ABLIM1: variants seen among roughly 807,000 people sequenced by gnomAD.
ABLIM1 encodes actin binding LIM protein 1.
Under a neutral mutation model 107.0 loss-of-function variants are expected in ABLIM1, and 40 were observed. That is an observed-to-expected ratio of 0.37 (90% CI 0.29 to 0.49). The LOEUF is 0.49. Ranked by LOEUF, ABLIM1 falls within the 20% of genes least tolerant of loss-of-function variation. ABLIM1 has a pLI of 0.97. For synonymous variants in ABLIM1, 357 were observed against 357.3 expected, an observed-to-expected ratio of 1.00 and a Z score of 0.01; for missense variants, 857 against 1,008.5, an observed-to-expected ratio of 0.85 and a Z score of 2.04.
the ABLIM1 span, among the ~76,000 whole-genome samples, chr10:114,787,579 T>C: frequency 3.8e-4 from 31 of 82,278 alleles, no homozygotes; most frequent in South Asian, 8.5e-4. Context: ...GGGAGGGAGG[T>C]GGGGGGTCAG....
Position 114,517,693 on chromosome 10 carries a change from T to C in ABLIM1, c.895-25815A>G, listed in dbSNP as rs1055833286. Among the ~76,000 whole-genome samples the C allele has an allele frequency of 2.0e-5, 3 of 152,154 alleles. No homozygotes were observed. In the East Asian group the frequency reaches 5.8e-4, roughly 29 times the overall value. ...CACAGCAGGACAAAAAACTTGGGAT[T>C]TTTAGGATTTCACAGAAATTGCCTC... On this transcript the variant is annotated intron_variant, in intron 6 of 22. Transcript: ENST00000533213.
At chr10:114,637,500 G>A (rs1008224750) in intron 1 of ABLIM1, among the ~76,000 whole-genome samples, 1 of 152,088 alleles carries the variant, frequency 6.6e-6, no homozygotes, top group Non-Finnish European at 1.5e-5. Context: ...TAGAATCAAT[G>A]CCCGGCAAAG....
chr10:114,603,166 G>T (rs1002259862), intron 1 of ABLIM1, among the ~76,000 whole-genome samples: 2 of 152,164 alleles, frequency 1.3e-5, no homozygotes, highest in African/African-American at 4.8e-5. Flanking sequence ...TGAGCAGGGG[G>T]TAGATGTGGG....
intron 15 of ABLIM1, among the ~76,000 whole-genome samples, chr10:114,446,455 A>C (rs938081970): frequency 6.6e-6 from 1 of 152,216 alleles, no homozygotes; most frequent in Non-Finnish European, 1.5e-5. Context: ...AATCTGTCTG[A>C]ATGGTTGAGA....
At chr10:114,717,985 A>AG (rs1196237600) in intron 1 of ABLIM1, among the ~76,000 whole-genome samples, 1 of 117,858 alleles carries the variant, frequency 8.5e-6, no homozygotes, top group African/African-American at 3.4e-5. Flanking sequence ...AGAGAAAGAA[A>AG]GAAAGAAAGG....
the ABLIM1 span, among the ~76,000 whole-genome samples, chr10:114,798,783 A>G: frequency 6.6e-6 from 1 of 151,894 alleles, no homozygotes; most frequent in African/African-American, 2.4e-5. Context: ...AGTACAGTAT[A>G]TATGTATTTT....
intron 1 of ABLIM1, among the ~76,000 whole-genome samples, chr10:114,626,450 C>T (rs918923329): frequency 6.6e-6 from 1 of 152,152 alleles, no homozygotes; most frequent in Non-Finnish European, 1.5e-5. Context: ...TCAGAGTCTG[C>T]CTAAGAGGTA....
intron 1 of ABLIM1, among the ~76,000 whole-genome samples, chr10:114,665,093 G>C (rs899829230): frequency 2.0e-5 from 3 of 146,542 alleles, no homozygotes; most frequent in African/African-American, 7.7e-5. Flanking sequence ...CTCCGGCCTC[G>C]GCGAAAGAGC....
intron 1 of ABLIM1, among the ~76,000 whole-genome samples, chr10:114,692,879 G>A (rs991856385): frequency 6.6e-6 from 1 of 152,178 alleles, no homozygotes; most frequent in African/African-American, 2.4e-5. Context: ...AACAGAGCAA[G>A]ACTCCATCTC....
chr10:114,602,539 G>C (rs572583653), intron 1 of ABLIM1, among the ~76,000 whole-genome samples: 1 of 152,154 alleles, frequency 6.6e-6, no homozygotes, highest in South Asian at 2.1e-4. Flanking sequence ...GGTCATTCCC[G>C]ATCATAAATG....
At chr10:114,461,763 G>A (rs191143918) in intron 12 of ABLIM1, among the ~76,000 whole-genome samples, 11 of 152,178 alleles carry the variant, frequency 7.2e-5, no homozygotes, top group Non-Finnish European at 1.5e-4. Flanking sequence ...AGGTTGCAGT[G>A]AGCCAAGTTT....
intron 1 of ABLIM1, among the ~76,000 whole-genome samples, chr10:114,761,811 C>T (rs1844109286): frequency 6.6e-6 from 1 of 152,128 alleles, no homozygotes; most frequent in South Asian, 2.1e-4. Context: ...TGCCCTTTTC[C>T]TTGGAAAGGC....
In ABLIM1 at chr10:114,747,409, G is replaced by C. The variant is rs808317; in HGVS notation, c.-213+20652C>G. 2.0e-3 allele frequency among the ~76,000 whole-genome samples: 301 copies of C among 152,208 alleles called. 1 individual carries two copies. Among genetic ancestry groups the C allele is most frequent in the Middle Eastern group, 3.4e-3 (1 of 294 alleles). ...ATCTGCTGTGTGTGCCTGTCTCTCCGCTCTGCTCTATGTGTATACGTGCCC... is the reference window on the plus strand; with the variant it reads ...ATCTGCTGTGTGTGCCTGTCTCTCCCCTCTGCTCTATGTGTATACGTGCCC... On this transcript the variant is annotated intron_variant, in intron 1 of 15. Coordinates refer to the ABLIM1 transcript ENST00000651092.
chr10:114,786,667 TATCATCATCAGGC>T, the ABLIM1 span, among the ~76,000 whole-genome samples: 5 of 152,256 alleles, frequency 3.3e-5, no homozygotes, highest in Non-Finnish European at 7.3e-5. Flanking sequence ...ACTGACCATG[TATCATCATCAGGC>T]ATTACATTAA....
At chr10:114,626,742 T>C (rs555038298) in intron 1 of ABLIM1, among the ~76,000 whole-genome samples, 54 of 152,304 alleles carry the variant, frequency 3.5e-4, no homozygotes, top group Non-Finnish European at 4.9e-4. Context: ...TCTCAGAATG[T>C]GGCCCTATTT....
At chr10:114,465,864 T>C in intron 11 of ABLIM1, 37 bp from the exon 12 acceptor site, 1 of 1,610,900 alleles carries the variant, frequency 6.2e-7, no homozygotes, top group Non-Finnish European at 8.5e-7. Flanking sequence ...GCTATCACCA[T>C]GCCTCAGTAG....
intron 1 of ABLIM1, among the ~76,000 whole-genome samples, chr10:114,646,172 A>T (rs2079005868): frequency 6.6e-6 from 1 of 152,092 alleles, no homozygotes. Context: ...TTAGAACTTA[A>T]ATTCTTCTTG....
chr10:114,639,667 A>G (rs774133199), intron 1 of ABLIM1, among the ~76,000 whole-genome samples: 2 of 152,232 alleles, frequency 1.3e-5, no homozygotes, highest in Non-Finnish European at 1.5e-5. Context: ...GGTTCAGAAG[A>G]TGTTCATGCT....
chr10:114,698,390 T>A (rs1004158182), intron 1 of ABLIM1, among the ~76,000 whole-genome samples: 44 of 98,112 alleles, frequency 4.5e-4, no homozygotes, highest in East Asian at 1.1e-3. Flanking sequence ...TAGAGCAAAA[T>A]AAAGGAGATT....
Sources: allele counts gnomAD v4.1 joint callset (sites outside exome capture counted in the v4.1 genomes callset), GRCh38; gene constraint gnomAD v4.1.1; transcripts MANE v1.5; gene names NCBI Gene and HGNC (gene_info 2026-07-23, HGNC 2026-07-21).